Variants in MND1 observed in about 807,000 individuals in gnomAD.
MND1 encodes meiotic nuclear division protein 1 homolog.
Under a neutral mutation model 35.1 loss-of-function variants are expected in MND1, and 28 were observed. That is an observed-to-expected ratio of 0.80 (90% CI 0.59 to 1.09). MND1 has a LOEUF of 1.09. MND1 is among the 50% of genes least tolerant of loss of function. MND1 has a pLI of 0.00. For missense variants in MND1, 213 were observed against 239.6 expected (o/e 0.89, Z 0.73); for synonymous variants, 69 against 70.5 (o/e 0.98, Z 0.11).
chr4:153,360,107 CTTAT>C (rs1773445137), intron 4 of MND1, among the ~76,000 whole-genome samples: 1 of 151,958 alleles, frequency 6.6e-6, no homozygotes, highest in African/African-American at 2.4e-5. Context: ...TTTTTTTATG[CTTAT>C]TTGTCATCTA....
At chr4:153,360,494 G>A (rs1221155980) in intron 4 of MND1, among the ~76,000 whole-genome samples, 4 of 151,508 alleles carry the variant, frequency 2.6e-5, no homozygotes, top group Non-Finnish European at 5.9e-5. Flanking sequence ...TTAATTTTTG[G>A]GAAAGGTGTA....
chr4:153,361,702 G>A (rs1773497865), intron 4 of MND1: 3 of 367,040 alleles, frequency 8.2e-6, no homozygotes, highest in South Asian at 6.2e-5. Flanking sequence ...GCCGGGCGTG[G>A]TGGTGGGTGC....
intron 1 of MND1, among the ~76,000 whole-genome samples, chr4:153,345,799 C>G (rs1773064137): frequency 6.6e-6 from 1 of 152,234 alleles, no homozygotes. Flanking sequence ...AACCCAGCCA[C>G]CTGGGCGTGA....
intron 5 of MND1, among the ~76,000 whole-genome samples, 166 bp downstream of exon 5, chr4:153,394,502 T>C (rs993136890): frequency 6.6e-6 from 1 of 152,146 alleles, no homozygotes; most frequent in African/African-American, 2.4e-5. Flanking sequence ...TGAGTCTAGA[T>C]TTTATTATTA....
chr4:153,387,767 CAAAA>C (rs1199773106), intron 4 of MND1, among the ~76,000 whole-genome samples: 1 of 151,464 alleles, frequency 6.6e-6, no homozygotes. Context: ...AACAAGGAAA[CAAAA>C]AACCCAAATA....
chr4:153,367,573 G>GT (rs2149638605), intron 4 of MND1, among the ~76,000 whole-genome samples: 1 of 152,244 alleles, frequency 6.6e-6, no homozygotes, highest in South Asian at 2.1e-4. Flanking sequence ...CACATCTCAT[G>GT]TATCCATTCA....
chr4:153,414,372 C>G (rs1729776492), intron 7 of MND1, among the ~76,000 whole-genome samples: 1 of 150,168 alleles, frequency 6.7e-6, no homozygotes, highest in South Asian at 2.1e-4. Flanking sequence ...ACCTCCGCCT[C>G]CCAGGTTCAA....
At chr4:153,354,760 A>G (rs755455037) in intron 2 of MND1, among the ~76,000 whole-genome samples, 3 of 152,130 alleles carry the variant, frequency 2.0e-5, no homozygotes, top group Admixed American at 6.5e-5. Context: ...CAGTCCTCCC[A>G]AAGTGGTGGG....
chr4:153,350,232 C>A, intron 2 of MND1, 103 bp downstream of exon 2: 1 of 766,646 alleles, frequency 1.3e-6, no homozygotes. Flanking sequence ...CAATACTGAT[C>A]AATTTCTTGA....
intron 4 of MND1, among the ~76,000 whole-genome samples, chr4:153,381,517 G>A (rs1728680915): frequency 6.7e-6 from 1 of 150,046 alleles, no homozygotes; most frequent in South Asian, 2.1e-4. Flanking sequence ...GAGTGTCAAA[G>A]TTATATATAT....
chr4:153,402,141 G>A (rs1729361687), intron 6 of MND1, among the ~76,000 whole-genome samples: 1 of 152,116 alleles, frequency 6.6e-6, no homozygotes, highest in Non-Finnish European at 1.5e-5. Flanking sequence ...GTGACAGAGC[G>A]AAACAGTCTC....
At chr4:153,407,049 C>G (rs939865777) in intron 6 of MND1, among the ~76,000 whole-genome samples, 2 of 152,222 alleles carry the variant, frequency 1.3e-5, no homozygotes, top group African/African-American at 4.8e-5. Context: ...ATTCAATCAC[C>G]TCCCACTGGG....
Position 153,414,896 on chromosome 4 carries a change from T to C in MND1, c.*39T>C, listed in dbSNP as rs369030314. 1 of 908,582 alleles carries C rather than the reference T, an allele frequency of 1.1e-6. No homozygotes were observed. Among genetic ancestry groups the C allele is most frequent in the African/African-American group, 1.7e-5 (1 of 58,628 alleles). 56.3% of individuals were successfully genotyped at this position (908,582 alleles called of 1,614,324 possible). On this transcript the variant is annotated 3_prime_UTR_variant, in exon 8 of 8. Coordinates refer to ENST00000240488, the MANE Select transcript of MND1 (RefSeq NM_032117.4). ...GGTGAAGGATGTACAAGCTTGTGAA[T>C]ATGTAAATTTTAAACTATTATCTAA...
At chr4:153,405,468 G>A (rs750627861) in intron 6 of MND1, among the ~76,000 whole-genome samples, 5 of 151,720 alleles carry the variant, frequency 3.3e-5, no homozygotes, top group African/African-American at 4.8e-5. Flanking sequence ...CCCAGGAGGC[G>A]GAGCTTGCAG....
chr4:153,344,996 A>C (rs965660675), intron 1 of MND1, among the ~76,000 whole-genome samples: 1 of 152,154 alleles, frequency 6.6e-6, no homozygotes, highest in Non-Finnish European at 1.5e-5. Flanking sequence ...CGCCGGCTGC[A>C]CCCCGCGTCT....
chr4:153,402,403 T>C (rs916496646), intron 6 of MND1, among the ~76,000 whole-genome samples: 1 of 152,212 alleles, frequency 6.6e-6, no homozygotes, highest in African/African-American at 2.4e-5. Context: ...CTTTGCCCTT[T>C]CAGAAAACTT....
intron 1 of MND1, 21 bp downstream of exon 1, chr4:153,344,761 C>G: frequency 2.5e-6 from 4 of 1,600,546 alleles, no homozygotes; most frequent in Non-Finnish European, 2.6e-6. Flanking sequence ...AGGCTACGGT[C>G]CCGCGTCTTC....
intron 2 of MND1, among the ~76,000 whole-genome samples, chr4:153,354,442 G>T (rs1441672059): frequency 6.6e-6 from 1 of 152,166 alleles, no homozygotes; most frequent in African/African-American, 2.4e-5. Flanking sequence ...ATTCGTTCCT[G>T]TTACCAAGTG....
chr4:153,359,822 T>C (rs1436818882), intron 4 of MND1, among the ~76,000 whole-genome samples: 7 of 151,648 alleles, frequency 4.6e-5, no homozygotes, highest in African/African-American at 1.7e-4. Flanking sequence ...AGTTTCACTT[T>C]TTTTGACCAG....
Sources: allele counts gnomAD v4.1 joint callset (sites outside exome capture counted in the v4.1 genomes callset), GRCh38; gene constraint gnomAD v4.1.1; transcripts MANE v1.5; gene names NCBI Gene and HGNC (gene_info 2026-07-23, HGNC 2026-07-21).